VPS53: variants seen among roughly 807,000 people sequenced by gnomAD.
The protein encoded by VPS53 is VPS53 subunit of GARP complex, also known as vacuolar protein sorting-associated protein 53 homolog.
VPS53 carries 70 observed loss-of-function variants against 107.0 expected under a neutral mutation model. The observed-to-expected ratio is 0.65, with a 90% CI of 0.54 to 0.80. The LOEUF (loss-of-function observed/expected upper bound fraction) is 0.80, where lower values mean the gene tolerates loss of function less well. Among genes scored for constraint, VPS53 ranks in the 30% least tolerant of loss-of-function variants. The pLI is 0.00. For missense variants in VPS53, 917 were observed against 1,049.4 expected (o/e 0.87, Z 1.74); for synonymous variants, 409 against 393.3 (o/e 1.04, Z -0.47).
intron 13 of VPS53, among the ~76,000 whole-genome samples, chr17:583,475 G>A (rs529602970): frequency 6.5e-4 from 82 of 126,700 alleles, no homozygotes; most frequent in Non-Finnish European, 1.1e-3. Flanking sequence ...CCTTCCTCAG[G>A]ACCTAATGCG....
intron 17 of VPS53, among the ~76,000 whole-genome samples, chr17:547,130 G>T (rs1674809190): frequency 1.3e-5 from 2 of 152,076 alleles, no homozygotes; most frequent in African/African-American, 2.4e-5. Context: ...GCCCACCTCG[G>T]CCTCCCAACG....
At chr17:639,153 T>G (rs1037314494) in intron 7 of VPS53, among the ~76,000 whole-genome samples, 4 of 152,234 alleles carry the variant, frequency 2.6e-5, no homozygotes, top group African/African-American at 9.6e-5. Context: ...TCTTCTTGCT[T>G]CATTTCATTC....
chr17:713,185 G>C (rs373062976), intron 1 of VPS53, among the ~76,000 whole-genome samples: 4 of 151,840 alleles, frequency 2.6e-5, no homozygotes, highest in Non-Finnish European at 5.9e-5. Context: ...CTGGACAACA[G>C]AGCAAGACCC....
At position 627,093 on chromosome 17, in the gene VPS53, A is replaced by G; in HGVS notation, c.974+81T>C. 4 of 1,528,352 alleles carry G rather than the reference A, an allele frequency of 2.6e-6. 1 individual carries two copies. The highest frequency in any genetic ancestry group is 2.4e-5 in the East Asian group (1 of 41,796). The allele number at this position is 1,528,352 out of a possible 1,614,324, so 94.7% of individuals were successfully genotyped here. On this transcript the variant is annotated intron_variant, in intron 10 of 21. Coordinates refer to ENST00000437048, the MANE Select transcript of VPS53 (RefSeq NM_001128159.3). Reference sequence around the variant, plus strand: ...CTGGAAGTGGCATCAAATCCACAGGACAACATGGAACCATTAGAGACTGGG... The same window carrying G: ...CTGGAAGTGGCATCAAATCCACAGGGCAACATGGAACCATTAGAGACTGGG...
intron 15 of VPS53, among the ~76,000 whole-genome samples, chr17:559,911 C>T (rs1912778461): frequency 6.6e-6 from 1 of 152,238 alleles, no homozygotes; most frequent in South Asian, 2.1e-4. Flanking sequence ...AGGCATCACC[C>T]TTTCCTGTCC....
At chr17:672,067 G>C (rs1971971189) in intron 4 of VPS53, among the ~76,000 whole-genome samples, 1 of 150,016 alleles carries the variant, frequency 6.7e-6, no homozygotes, top group African/African-American at 2.5e-5. Flanking sequence ...AGGTTCCCCA[G>C]GAAGGGCAGG....
chr17:578,474 C>G lies in VPS53; in HGVS notation c.1313+7796G>C, dbSNP rs549801429. Among the ~76,000 whole-genome samples the G allele has an allele frequency of 2.7e-5, 4 of 148,896 alleles. No individual in the cohort carries two copies. In the East Asian group the frequency reaches 6.0e-4, roughly 22 times the overall value. On this transcript the variant is annotated intron_variant, in intron 13 of 21. Coordinates refer to ENST00000437048, the MANE Select transcript of VPS53 (RefSeq NM_001128159.3). ...CAGAACCTAATTCCTTCCCAGAGAA[C>G]CTCTCTCAGAACCTAATGCATTCCT...
chr17:609,740 G>T (rs1201352483), intron 11 of VPS53, among the ~76,000 whole-genome samples: 1 of 152,156 alleles, frequency 6.6e-6, no homozygotes, highest in Non-Finnish European at 1.5e-5. Context: ...CACTAGTGTC[G>T]TAAGAAAATC....
At chr17:640,999 C>T (rs331006) in intron 7 of VPS53, among the ~76,000 whole-genome samples, 150,715 of 152,138 alleles carry the variant, frequency 0.99, 74,675 homozygotes, top group East Asian at 1. Context: ...GGATTACAGG[C>T]GCCTGCCACC....
At chr17:680,032 G>A (rs937394750) in intron 4 of VPS53, among the ~76,000 whole-genome samples, 1 of 151,174 alleles carries the variant, frequency 6.6e-6, no homozygotes, top group East Asian at 1.9e-4. Flanking sequence ...GGTGGCTCAC[G>A]CCTGTAATCC....
At chr17:552,861 T>G in intron 16 of VPS53, 1 of 419,522 alleles carries the variant, frequency 2.4e-6, no homozygotes, top group Non-Finnish European at 4.2e-6. Context: ...GCCAACAGCC[T>G]GAGGCACGCT....
At chr17:561,606 G>C (rs1452071774) in intron 14 of VPS53, among the ~76,000 whole-genome samples, 1 of 152,200 alleles carries the variant, frequency 6.6e-6, no homozygotes, top group Non-Finnish European at 1.5e-5. Context: ...TCTTTGGGTA[G>C]TGGGATTATA....
intron 7 of VPS53, chr17:632,623 T>C (rs1970010296): frequency 2.3e-6 from 1 of 435,934 alleles, no homozygotes; most frequent in Admixed American, 2.5e-5. Context: ...TCTAACTGTA[T>C]TTTTGTGCCC....
chr17:561,580 A>G (rs1912993310), intron 14 of VPS53, among the ~76,000 whole-genome samples: 1 of 152,214 alleles, frequency 6.6e-6, no homozygotes, highest in South Asian at 2.1e-4. Flanking sequence ...AAAAATATAT[A>G]CAAAAAGTTA....
At chr17:583,953 T>C (rs1255996234) in intron 13 of VPS53, among the ~76,000 whole-genome samples, 1 of 150,384 alleles carries the variant, frequency 6.6e-6, no homozygotes, top group African/African-American at 2.5e-5. Flanking sequence ...CCCAGAGAAC[T>C]TCCCTCAGTA....
At chr17:613,892 G>A (rs1969016685) in intron 11 of VPS53, among the ~76,000 whole-genome samples, 1 of 152,244 alleles carries the variant, frequency 6.6e-6, no homozygotes, top group Admixed American at 6.5e-5. Context: ...ACAGCTGATG[G>A]AAGAGACAAC....
intron 13 of VPS53, among the ~76,000 whole-genome samples, chr17:573,215 G>A (rs1025760761): frequency 6.6e-6 from 1 of 152,144 alleles, no homozygotes; most frequent in Non-Finnish European, 1.5e-5. Context: ...TAAAGAAAGT[G>A]CCTATGTAGA....
In VPS53 at chr17:587,809, G is replaced by C. The variant is rs548464778; in HGVS notation, c.1219-1445C>G. 2.0e-5 allele frequency among the ~76,000 whole-genome samples: 3 copies of C among 152,172 alleles called. No homozygotes were observed. The East Asian group carries it at 5.8e-4, about 29-fold the overall frequency. ...GTAAATTGGCACCCACAACATACTT[G>C]TTAAATTGAACTACTCATATCTTAT... On this transcript the variant is annotated intron_variant, in intron 12 of 21. Coordinates refer to ENST00000437048, the MANE Select transcript of VPS53 (RefSeq NM_001128159.3).
At chr17:552,206 C>G (rs1911884426) in intron 16 of VPS53, among the ~76,000 whole-genome samples, 1 of 152,168 alleles carries the variant, frequency 6.6e-6, no homozygotes, top group African/African-American at 2.4e-5. Flanking sequence ...TTCACATCTT[C>G]CTCCCAAAGA....
Sources: gnomAD v4.1 joint callset for allele counts (sites outside exome capture counted in the v4.1 genomes callset) on GRCh38, gnomAD v4.1.1 for gene constraint, MANE v1.5 for transcripts, NCBI Gene and HGNC (gene_info 2026-07-23, HGNC 2026-07-21) for gene names.